The following SASH1 variants were observed in gnomAD, a reference collection of about 807,000 sequenced individuals.
SASH1 encodes SAM and SH3 domain containing 1.
A neutral mutation model predicts 125.2 loss-of-function variants in SASH1; 44 were observed. That is an observed-to-expected ratio of 0.35 (90% CI 0.28 to 0.45). SASH1 has a LOEUF of 0.45. Ranked by LOEUF, SASH1 falls within the 20% of genes least tolerant of loss-of-function variation. The pLI, the probability that SASH1 is intolerant of heterozygous loss-of-function variation, is 1.00. For synonymous variants in SASH1, 639 were observed against 649.1 expected, an observed-to-expected ratio of 0.98 and a Z score of 0.24; for missense variants, 1,426 against 1,614.5, an observed-to-expected ratio of 0.88 and a Z score of 2.00.
the SASH1 span, chr6:148,237,699 A>G: frequency 6.6e-6 from 1 of 152,222 alleles, no homozygotes; most frequent in Non-Finnish European, 1.5e-5. Context: ...TATCAAACCC[A>G]AGAAGGCTAG....
chr6:148,268,914 G>T (rs903258101), upstream of SASH1, among the ~76,000 whole-genome samples: 2 of 152,190 alleles, frequency 1.3e-5, no homozygotes, highest in Non-Finnish European at 2.9e-5. Flanking sequence ...ATAAGGCATT[G>T]GGGAATAACA....
intron 5 of SASH1, among the ~76,000 whole-genome samples, chr6:148,469,591 G>A (rs999552200): frequency 6.6e-6 from 1 of 152,044 alleles, no homozygotes; most frequent in Non-Finnish European, 1.5e-5. Context: ...AAATTAGGTG[G>A]GCATAGCACC....
In SASH1 at chr6:148,429,385, T is replaced by TAA. The variant is rs61460366; in HGVS notation, c.286-10773_286-10772dup. Among the ~76,000 whole-genome samples the TAA allele has an allele frequency of 1.1e-3, 78 of 73,944 alleles. 2 individuals are homozygous for TAA. Among genetic ancestry groups the TAA allele is most frequent in the Middle Eastern group, 0.014 (1 of 74 alleles). The allele number at this position is 73,944 out of a possible 152,430, so 48.5% of individuals were successfully genotyped here. A position where few individuals can be genotyped will look rare whatever the true frequency, so the allele number is the denominator to read the frequency against. Reference sequence around the variant, plus strand: ...GGTGACAGAGCAAGACCCTGTCTCTTAAAAAAAAAAAAAAAAAAAAAAAAA... The same window carrying TAA: ...GGTGACAGAGCAAGACCCTGTCTCTTAAAAAAAAAAAAAAAAAAAAAAAAAAA... On this transcript the variant is annotated intron_variant, in intron 2 of 19. Coordinates refer to ENST00000367467, the MANE Select transcript of SASH1 (RefSeq NM_015278.5).
chr6:148,489,845 A>G (rs1032116644), intron 8 of SASH1, among the ~76,000 whole-genome samples: 10 of 119,454 alleles, frequency 8.4e-5, no homozygotes, highest in African/African-American at 3.6e-4. Flanking sequence ...TATTAGCTAT[A>G]TAGGCTGTGT....
intron 4 of SASH1, among the ~76,000 whole-genome samples, chr6:148,455,746 G>T (rs1193426159): frequency 2.6e-5 from 4 of 152,220 alleles, no homozygotes; most frequent in African/African-American, 9.6e-5. Flanking sequence ...AGGCTGAAGT[G>T]GTTGCTGCTG....
intron 1 of SASH1, among the ~76,000 whole-genome samples, chr6:148,364,892 G>T (rs1238292065): frequency 6.6e-6 from 1 of 152,174 alleles, no homozygotes; most frequent in Non-Finnish European, 1.5e-5. Context: ...GGAGGCTTAG[G>T]AAGACAGATC....
At chr6:148,411,269 T>C (rs1039363376) in intron 2 of SASH1, among the ~76,000 whole-genome samples, 2 of 151,580 alleles carry the variant, frequency 1.3e-5, no homozygotes, top group Non-Finnish European at 2.9e-5. Context: ...TATAATTCTG[T>C]GATTCAATCA....
At chr6:148,447,691 C>G (rs550716027) in intron 4 of SASH1, among the ~76,000 whole-genome samples, 148 of 147,198 alleles carry the variant, frequency 1.0e-3, no homozygotes, top group African/African-American at 3.4e-3. Flanking sequence ...CTTCTTCTTC[C>G]TCTTCTCCTC....
chr6:148,348,321 C>T (rs778850928), intron 1 of SASH1, among the ~76,000 whole-genome samples: 1 of 152,138 alleles, frequency 6.6e-6, no homozygotes, highest in Non-Finnish European at 1.5e-5. Context: ...TTGGGGTTGC[C>T]GAATCTTTTC....
Position 148,519,913 on chromosome 6 carries a change from G to C in SASH1, c.1209+20G>C. ...CACGGGGTAAGTACGGATGGTGTTT[G>C]CTTCTATGACAACCACCGTCGCAGG... On this transcript the variant is annotated intron_variant, in intron 10 of 19. Transcript: ENST00000367467. The surrounding 1 kb of genome is among the most constrained non-coding windows in gnomAD (Gnocchi z 4.8). The C allele has an allele frequency of 6.6e-7, 1 of 1,511,370 alleles. No homozygotes were observed. Among genetic ancestry groups the C allele is most frequent in the Non-Finnish European group, 8.9e-7 (1 of 1,126,018 alleles). The allele number at this position is 1,511,370 out of a possible 1,614,324, so 93.6% of individuals were successfully genotyped here.
At chr6:148,291,556 C>G (rs1018786260) in intron 1 of SASH1, among the ~76,000 whole-genome samples, 4 of 151,962 alleles carry the variant, frequency 2.6e-5, no homozygotes, top group African/African-American at 7.3e-5. Flanking sequence ...GGTGACATGG[C>G]GCCTATAGTC....
At chr6:148,500,949 T>A (rs1043995221) in intron 8 of SASH1, among the ~76,000 whole-genome samples, 1 of 152,214 alleles carries the variant, frequency 6.6e-6, no homozygotes, top group Non-Finnish European at 1.5e-5. Context: ...ATAATTCCTC[T>A]CTGAAGGTAT....
At chr6:148,364,299 T>G (rs1358337358) in intron 1 of SASH1, among the ~76,000 whole-genome samples, 1 of 152,124 alleles carries the variant, frequency 6.6e-6, no homozygotes, top group Non-Finnish European at 1.5e-5. Flanking sequence ...TGATTCATGG[T>G]CACGAAGGGA....
the SASH1 span, among the ~76,000 whole-genome samples, chr6:148,256,773 G>A: frequency 2.0e-5 from 3 of 152,106 alleles, no homozygotes; most frequent in Admixed American, 2.0e-4. Context: ...GTATGACTAT[G>A]CATTTGTCAA....
chr6:148,540,052 T>C (rs149233171), intron 16 of SASH1, among the ~76,000 whole-genome samples: 10 of 152,324 alleles, frequency 6.6e-5, no homozygotes, highest in African/African-American at 2.4e-4. Context: ...AATCTCACCT[T>C]GTGAATGGGG....
At chr6:148,338,442 G>A (rs1244003571), upstream of SASH1, among the ~76,000 whole-genome samples, 5 of 131,310 alleles carry the variant, frequency 3.8e-5, no homozygotes, top group East Asian at 1.3e-3. Flanking sequence ...AAAAAAAAAA[G>A]ATGATAATAT....
At chr6:148,358,226 G>A (rs756887563) in intron 1 of SASH1, among the ~76,000 whole-genome samples, 2 of 152,146 alleles carry the variant, frequency 1.3e-5, no homozygotes, top group Non-Finnish European at 1.5e-5. Flanking sequence ...TTCAAGTCTT[G>A]ATGTATAAAG....
intron 16 of SASH1, among the ~76,000 whole-genome samples, chr6:148,539,520 G>A (rs191331854): frequency 6.6e-6 from 1 of 152,202 alleles, no homozygotes; most frequent in East Asian, 1.9e-4. Flanking sequence ...CCAAATTGCT[G>A]CAAAGACATT....
chr6:148,219,607 A>G, the SASH1 span, among the ~76,000 whole-genome samples: 2 of 152,126 alleles, frequency 1.3e-5, no homozygotes, highest in African/African-American at 4.8e-5. Flanking sequence ...CTCTGGCTCC[A>G]CACTTAAGGG....
Sources: gnomAD v4.1 joint callset for allele counts (sites outside exome capture counted in the v4.1 genomes callset) on GRCh38, gnomAD v4.1.1 for gene constraint, Gnocchi (gnomAD v3.1) non-coding constraint, MANE v1.5 for transcripts, NCBI Gene and HGNC (gene_info 2026-07-23, HGNC 2026-07-21) for gene names.